Variants in CNTN5 observed in about 807,000 individuals in gnomAD.
The protein encoded by CNTN5 is contactin 5.
CNTN5 carries 77 observed loss-of-function variants against 129.1 expected under a neutral mutation model. The observed-to-expected ratio is 0.60, with a 90% confidence interval of 0.50 to 0.72. CNTN5 has a LOEUF of 0.72. CNTN5 is among the 30% of genes least tolerant of loss of function. The probability of loss-of-function intolerance (pLI) is 0.00; values close to 1 mark genes in which losing one functional copy is unlikely to be tolerated. For synonymous variants in CNTN5, 509 were observed against 465.6 expected, an observed-to-expected ratio of 1.09 and a Z score of -1.20; for missense variants, 1,478 against 1,328.8, an observed-to-expected ratio of 1.11 and a Z score of -1.75.
chr11:100,213,507 A>G (rs979229868), intron 15 of CNTN5, among the ~76,000 whole-genome samples: 1 of 152,144 alleles, frequency 6.6e-6, no homozygotes, highest in African/African-American at 2.4e-5. Flanking sequence ...ATAAATGGTG[A>G]ATCCTCTTTC....
At chr11:99,739,113 G>A (rs1389144748) in intron 3 of CNTN5, among the ~76,000 whole-genome samples, 5 of 152,028 alleles carry the variant, frequency 3.3e-5, no homozygotes, top group Non-Finnish European at 7.4e-5. Flanking sequence ...TTTAGACTTT[G>A]CTGTCTTTAT....
intron 2 of CNTN5, among the ~76,000 whole-genome samples, chr11:99,545,869 C>T (rs933408245): frequency 6.6e-6 from 1 of 152,220 alleles, no homozygotes; most frequent in Admixed American, 6.5e-5. Context: ...GAGACATTCT[C>T]TCCCTGCACG....
intron 15 of CNTN5, among the ~76,000 whole-genome samples, chr11:100,197,992 T>C (rs1377999263): frequency 6.6e-6 from 1 of 151,892 alleles, no homozygotes. Context: ...ATTTTTTTAA[T>C]GAGGAAACTG....
intron 8 of CNTN5, among the ~76,000 whole-genome samples, chr11:99,958,189 A>G (rs1950852966): frequency 6.6e-6 from 1 of 152,230 alleles, no homozygotes; most frequent in South Asian, 2.1e-4. Flanking sequence ...AGGGGCTACA[A>G]AAACTAATCC....
At chr11:99,628,484 C>T (rs1335068613) in intron 3 of CNTN5, among the ~76,000 whole-genome samples, 1 of 152,044 alleles carries the variant, frequency 6.6e-6, no homozygotes, top group Admixed American at 6.6e-5. Flanking sequence ...TAAAACTGGT[C>T]TCCCAGTTGG....
intron 1 of CNTN5, among the ~76,000 whole-genome samples, chr11:99,117,944 G>A (rs778057123): frequency 1.9e-4 from 29 of 152,136 alleles, no homozygotes; most frequent in South Asian, 4.1e-4. Flanking sequence ...ATAGCAGCCC[G>A]AGCGGACTAA....
intron 3 of CNTN5, among the ~76,000 whole-genome samples, chr11:99,611,206 A>G (rs1266182052): frequency 6.6e-6 from 1 of 152,180 alleles, no homozygotes; most frequent in African/African-American, 2.4e-5. Flanking sequence ...TATTGTCCAC[A>G]TTCTTATCAC....
chr11:99,237,311 T>G (rs780395716), intron 1 of CNTN5, among the ~76,000 whole-genome samples: 1 of 152,318 alleles, frequency 6.6e-6, no homozygotes, highest in Middle Eastern at 3.4e-3. Flanking sequence ...TAGGAATCCT[T>G]TATCTTGCAG....
intron 1 of CNTN5, among the ~76,000 whole-genome samples, chr11:99,128,453 A>G (rs775667518): frequency 1.4e-5 from 2 of 146,470 alleles, no homozygotes; most frequent in Non-Finnish European, 3.0e-5. Context: ...GAATTCCAGC[A>G]ATTCCAGCCA....
intron 21 of CNTN5, among the ~76,000 whole-genome samples, chr11:100,318,656 G>T (rs1951617043): frequency 6.6e-6 from 1 of 152,058 alleles, no homozygotes; most frequent in Admixed American, 6.5e-5. Flanking sequence ...TCTAAATTGT[G>T]AAAAAATCTT....
intron 9 of CNTN5, among the ~76,000 whole-genome samples, chr11:100,055,191 CA>C (rs1943159415): frequency 6.6e-6 from 1 of 151,532 alleles, no homozygotes. Context: ...TCATTAATTT[CA>C]GTATTTATTT....
intron 8 of CNTN5, among the ~76,000 whole-genome samples, chr11:99,997,781 G>C (rs955043385): frequency 6.6e-6 from 1 of 152,030 alleles, no homozygotes; most frequent in Non-Finnish European, 1.5e-5. Flanking sequence ...ACCGAATCCA[G>C]CAGCACATCA....
intron 13 of CNTN5, among the ~76,000 whole-genome samples, chr11:100,132,501 C>T (rs549682082): frequency 3.3e-5 from 5 of 152,122 alleles, no homozygotes; most frequent in African/African-American, 1.2e-4. Flanking sequence ...AATGTCTTCT[C>T]AAATTTTAGG....
intron 2 of CNTN5, among the ~76,000 whole-genome samples, chr11:99,539,608 C>A (rs1948024951): frequency 6.6e-6 from 1 of 152,036 alleles, no homozygotes; most frequent in Non-Finnish European, 1.5e-5. Context: ...TTCCTTTTCA[C>A]ATGAGGAAGC....
chr11:99,832,029 C>T (rs1237939006), intron 4 of CNTN5, among the ~76,000 whole-genome samples: 3 of 152,280 alleles, frequency 2.0e-5, no homozygotes, highest in East Asian at 1.9e-4. Flanking sequence ...TGCAAAACTT[C>T]TTGAACCACC....
At chr11:99,335,991 T>A (rs1194512671) in intron 2 of CNTN5, among the ~76,000 whole-genome samples, 2 of 152,124 alleles carry the variant, frequency 1.3e-5, no homozygotes, top group Admixed American at 6.6e-5. Flanking sequence ...CAGAGAATCC[T>A]ACAAGATTCT....
At chr11:99,677,517 T>C (rs1174620020) in intron 3 of CNTN5, among the ~76,000 whole-genome samples, 1 of 152,164 alleles carries the variant, frequency 6.6e-6, no homozygotes, top group Non-Finnish European at 1.5e-5. Flanking sequence ...GGGGCACATA[T>C]GGCAACATGC....
chr11:99,907,836 C>A (rs539222623), intron 6 of CNTN5, among the ~76,000 whole-genome samples: 1 of 151,962 alleles, frequency 6.6e-6, no homozygotes. Flanking sequence ...ATACTGATAA[C>A]ATTGTTTTGC....
intron 1 of CNTN5, among the ~76,000 whole-genome samples, chr11:99,033,869 A>G (rs1175693551): frequency 6.6e-6 from 1 of 151,164 alleles, no homozygotes; most frequent in Non-Finnish European, 1.5e-5. Flanking sequence ...GAATGCTTCC[A>G]GTTTTTGCCC....
Sources: gnomAD v4.1 joint callset for allele counts (sites outside exome capture counted in the v4.1 genomes callset) on GRCh38, gnomAD v4.1.1 for gene constraint, MANE v1.5 for transcripts, NCBI Gene and HGNC (gene_info 2026-07-23, HGNC 2026-07-21) for gene names.